Variants in CFAP58 observed in about 807,000 individuals in gnomAD.
CFAP58 encodes cilia- and flagella-associated protein 58.
CFAP58 carries 88 observed loss-of-function variants against 119.5 expected under a neutral mutation model. The observed-to-expected ratio is 0.74, with a 90% CI of 0.62 to 0.88. The LOEUF (loss-of-function observed/expected upper bound fraction) is 0.88. Among genes scored for constraint, CFAP58 ranks in the 40% least tolerant of loss-of-function variants. The pLI is 0.00. For missense variants in CFAP58, 990 were observed against 1,021.2 expected (o/e 0.97, Z 0.42); for synonymous variants, 365 against 366.3 (o/e 1.00, Z 0.04).
chr10:104,423,633 T>C (rs2012696283), intron 15 of CFAP58, among the ~76,000 whole-genome samples: 1 of 152,132 alleles, frequency 6.6e-6, no homozygotes, highest in Non-Finnish European at 1.5e-5. Flanking sequence ...AAGGAAACAT[T>C]TTCAATAAAG....
chr10:104,421,688 A>G (rs1050913655), intron 15 of CFAP58, among the ~76,000 whole-genome samples: 3 of 152,242 alleles, frequency 2.0e-5, no homozygotes, highest in African/African-American at 7.2e-5. Flanking sequence ...CATGAGTCCA[A>G]GCTCACTCAT....
At chr10:104,433,801 C>T (rs1278160731) in intron 15 of CFAP58, among the ~76,000 whole-genome samples, 3 of 152,154 alleles carry the variant, frequency 2.0e-5, no homozygotes, top group South Asian at 2.1e-4. Context: ...TCCAAGTAAG[C>T]GAGATTTTGC....
intron 15 of CFAP58, among the ~76,000 whole-genome samples, chr10:104,431,537 A>G (rs1013489814): frequency 2.0e-5 from 3 of 152,222 alleles, no homozygotes; most frequent in Non-Finnish European, 4.4e-5. Context: ...GTTAATGCAG[A>G]AAAGTCGAGT....
chr10:104,416,638 A>G (rs1286024094), intron 15 of CFAP58, among the ~76,000 whole-genome samples: 1 of 152,156 alleles, frequency 6.6e-6, no homozygotes, highest in African/African-American at 2.4e-5. Context: ...TCTCCTGATT[A>G]TCTTACATTT....
intron 1 of CFAP58, among the ~76,000 whole-genome samples, chr10:104,357,912 CACATATATGT>C (rs1564875899): frequency 8.8e-6 from 1 of 113,626 alleles, no homozygotes; most frequent in African/African-American, 4.6e-5. Context: ...CACATATACA[CACATATATGT>C]ACACATATAC....
At chr10:104,362,303 G>A in intron 3 of CFAP58, 132 bp downstream of exon 3, 1 of 733,550 alleles carries the variant, frequency 1.4e-6, no homozygotes, top group Non-Finnish European at 2.1e-6. Context: ...TGGGTTCTTA[G>A]AGATTGTTTT....
At chr10:104,358,755 G>T in intron 2 of CFAP58, 133 bp downstream of exon 2, 1 of 696,054 alleles carries the variant, frequency 1.4e-6, no homozygotes. Flanking sequence ...TTAAGCCTAA[G>T]GAATAATGTT....
At chr10:104,418,867 C>T (rs577872186) in intron 15 of CFAP58, among the ~76,000 whole-genome samples, 40 of 152,300 alleles carry the variant, frequency 2.6e-4, no homozygotes, top group Non-Finnish European at 3.1e-4. Context: ...GATGCTCCCT[C>T]ACTAGACGAT....
chr10:104,447,731 G>C lies in CFAP58; in HGVS notation c.2290G>C (p.Val764Leu). Residue 764 changes from valine (V) to leucine (L), a missense_variant, in exon 16 of 18, where the codon GTC (valine) becomes CTC (leucine). Coordinates refer to ENST00000369704, the MANE Select transcript of CFAP58 (RefSeq NM_001008723.2). ...GAAACTCTACATGGAACTAAAGCAC[G>C]TCTTGGCCCGCCAGCCTGGACCTGA... ...KEKLYMELKH[V>L]LARQPGPEAA... 6.2e-7 allele frequency: 1 copy of C among 1,614,128 alleles called. No homozygotes were observed. Among genetic ancestry groups the C allele is most frequent in the Non-Finnish European group, 8.5e-7 (1 of 1,180,006 alleles).
upstream of CFAP58, among the ~76,000 whole-genome samples, chr10:104,349,751 A>T (rs2014438464): frequency 6.6e-6 from 1 of 152,226 alleles, no homozygotes; most frequent in Non-Finnish European, 1.5e-5. Flanking sequence ...TGATGCAAGA[A>T]GTAGAATACA....
chr10:104,399,178 G>GTA (rs1461197534), intron 11 of CFAP58, among the ~76,000 whole-genome samples, 182 bp from the exon 12 acceptor site: 1 of 137,020 alleles, frequency 7.3e-6, no homozygotes, highest in Non-Finnish European at 1.5e-5. Flanking sequence ...CTTTATGAGT[G>GTA]TGTGTGTGTG....
intron 9 of CFAP58, among the ~76,000 whole-genome samples, chr10:104,387,519 A>C (rs2011948501): frequency 6.6e-6 from 1 of 152,238 alleles, no homozygotes; most frequent in African/African-American, 2.4e-5. Flanking sequence ...GTTGTGGGAC[A>C]AGGGGAGAGA....
intron 3 of CFAP58, among the ~76,000 whole-genome samples, chr10:104,364,165 A>G (rs1375504630): frequency 6.6e-6 from 1 of 152,172 alleles, no homozygotes; most frequent in Non-Finnish European, 1.5e-5. Flanking sequence ...AGCAATGCAT[A>G]TTATTTTGTT....
chr10:104,429,585 G>T (rs560440610), intron 15 of CFAP58, among the ~76,000 whole-genome samples: 2 of 152,258 alleles, frequency 1.3e-5, no homozygotes, highest in South Asian at 4.1e-4. Context: ...TGTGTATTTG[G>T]AGAAGCCTCA....
At chr10:104,453,761 A>AATGTGTGT (rs547549348) in intron 17 of CFAP58, among the ~76,000 whole-genome samples, 2 of 138,844 alleles carry the variant, frequency 1.4e-5, no homozygotes, top group African/African-American at 5.4e-5. Flanking sequence ...CATGAATATG[A>AATGTGTGT]GTGTGTGTGT....
chr10:104,395,793 G>A (rs1397056119), intron 11 of CFAP58, among the ~76,000 whole-genome samples: 2 of 152,118 alleles, frequency 1.3e-5, no homozygotes, highest in African/African-American at 2.4e-5. Context: ...GAAGCTACGC[G>A]GGTACATAAT....
intron 15 of CFAP58, among the ~76,000 whole-genome samples, chr10:104,426,458 C>T (rs551546468): frequency 6.6e-6 from 1 of 151,972 alleles, no homozygotes; most frequent in Admixed American, 6.6e-5. Flanking sequence ...ATCCTCTCTC[C>T]CTCCCCACTC....
chr10:104,394,588 A>G (rs112699207), intron 11 of CFAP58, among the ~76,000 whole-genome samples: 26 of 152,362 alleles, frequency 1.7e-4, no homozygotes, highest in African/African-American at 5.8e-4. Flanking sequence ...AAATTACTAC[A>G]TTAAATTAAC....
At chr10:104,432,384 C>T (rs185519023) in intron 15 of CFAP58, among the ~76,000 whole-genome samples, 1 of 152,076 alleles carries the variant, frequency 6.6e-6, no homozygotes, top group Non-Finnish European at 1.5e-5. Flanking sequence ...AATAAGGTAA[C>T]CTTATTAGTA....
Sources: allele counts gnomAD v4.1 joint callset (sites outside exome capture counted in the v4.1 genomes callset), GRCh38; gene constraint gnomAD v4.1.1; transcripts MANE v1.5; gene names NCBI Gene and HGNC (gene_info 2026-07-23, HGNC 2026-07-21).